CHRAC1: variants seen among roughly 807,000 people sequenced by gnomAD.
CHRAC1 encodes chromatin accessibility complex protein 1.
In CHRAC1, 6 loss-of-function variants were observed where a neutral mutation model predicts 9.1. The ratio of observed to expected loss-of-function variants is 0.66; its 90% CI spans 0.36 to 1.29. The LOEUF is 1.29. CHRAC1 is among the 50% of genes most tolerant of loss of function. CHRAC1 has a pLI of 0.03. For synonymous variants in CHRAC1, 73 were observed against 64.5 expected (o/e 1.13, Z -0.63); for missense variants, 168 against 163.5 (o/e 1.03, Z -0.15).
intron 1 of CHRAC1, among the ~76,000 whole-genome samples, chr8:140,512,337 C>G (rs1481829395): frequency 6.6e-6 from 1 of 152,138 alleles, no homozygotes. Flanking sequence ...TCCAGCGGTC[C>G]GAGGCTTTCG....
intron 1 of CHRAC1, chr8:140,512,019 C>T (rs966839808): frequency 7.8e-7 from 1 of 1,288,562 alleles, no homozygotes; most frequent in African/African-American, 1.5e-5. Context: ...TTCCATTCGG[C>T]AAACCCGTAA....
intron 2 of CHRAC1, 100 bp from the exon 3 acceptor site, chr8:140,515,025 CT>C: frequency 8.5e-7 from 1 of 1,170,716 alleles, no homozygotes; most frequent in East Asian, 2.4e-5. Flanking sequence ...TTTGGAACCT[CT>C]TATAGAGGTC....
At position 140,513,913 on chromosome 8, in the gene CHRAC1, CTTTTTTT is replaced by C. The variant is rs57880666; in HGVS notation, c.148-437_148-431del. Reference sequence around the variant, plus strand: ...ATGTTTTTCTTTTCCCCAGTGATTTCTTTTTTTTTTTTTTTTTTTTTTTTTGAGACGG... The same window carrying C: ...ATGTTTTTCTTTTCCCCAGTGATTTCTTTTTTTTTTTTTTTTTTGAGACGG... On this transcript the variant is annotated intron_variant, in intron 1 of 2. Coordinates refer to ENST00000220913, the MANE Select transcript of CHRAC1 (RefSeq NM_017444.6). Among the ~76,000 whole-genome samples the C allele has an allele frequency of 1.8e-4, 16 of 87,478 alleles. No individual in the cohort carries two copies. The East Asian group carries it at 2.0e-3, about 11-fold the overall frequency. 57.4% of individuals were successfully genotyped at this position (87,478 alleles called of 152,430 possible).
At chr8:140,511,853 AC>A in intron 1 of CHRAC1, 1 of 532,374 alleles carries the variant, frequency 1.9e-6, no homozygotes, top group Non-Finnish European at 3.1e-6. Flanking sequence ...CGCCCCGCCC[AC>A]CCCTCGCCGC....
chr8:140,512,663 G>A (rs995148034), intron 1 of CHRAC1, among the ~76,000 whole-genome samples: 1 of 152,200 alleles, frequency 6.6e-6, no homozygotes, highest in Admixed American at 6.5e-5. Context: ...ACTAAGGGAA[G>A]TGGGAAATTA....
At position 140,514,432 on chromosome 8, in the gene CHRAC1, G is replaced by C. The variant is rs773255460; in HGVS notation, c.211G>C (p.Val71Leu). The change falls in exon 2 of 3, where the codon GTA becomes CTA. Residue 71 changes from valine (V) to leucine (L), a missense_variant. Transcript: ENST00000220913. ...YRHGSGKEKK[V>L]LTYSDLANTA... is the part of the protein sequence containing the mutation. ...ACACGGCAGTGGAAAGGAAAAGAAA[G>C]TACTGACTTACAGTGATTTAGCAAA... 9 of 1,586,454 alleles carry C rather than the reference G, an allele frequency of 5.7e-6. No individual in the cohort carries two copies. Among genetic ancestry groups the C allele is most frequent in the Non-Finnish European group, 7.7e-6 (9 of 1,172,250 alleles).
chr8:140,515,182 A>G lies in CHRAC1; in HGVS notation c.331A>G (p.Lys111Glu). Residue 111 changes from lysine to glutamate, a missense_variant, in exon 3 of 3, where the codon AAG (lysine) becomes GAG (glutamate). Transcript: ENST00000220913. ...SKYLKMLKEE[K>E]REEDEENDND... ...ATACCTGAAAATGCTTAAAGAGGAA[A>G]AGAGGGAAGAAGATGAGGAGAATGA... 2 of 1,613,508 alleles carry G rather than the reference A, an allele frequency of 1.2e-6. No homozygotes were observed. The highest frequency in any genetic ancestry group is 2.2e-5 in the East Asian group (1 of 44,892).
At position 140,514,485 on chromosome 8, in the gene CHRAC1, G is replaced by A. The variant is rs756261903; in HGVS notation, c.264G>A (p.Gln88=). ...CTGCACAGCAATCAGAAACTTTTCAGTTTCTTGCAGGTACTTAGTCTTTGA... is the reference window on the plus strand; with the variant it reads ...CTGCACAGCAATCAGAAACTTTTCAATTTCTTGCAGGTACTTAGTCTTTGA... ...ANTAQQSETF[Q]FLADILPKKI... The change falls in exon 2 of 3, where the codon CAG becomes CAA. Residue 88 remains glutamine, a synonymous_variant. Coordinates refer to ENST00000220913, the MANE Select transcript of CHRAC1 (RefSeq NM_017444.6). 2 of 1,556,368 alleles carry A rather than the reference G, an allele frequency of 1.3e-6. No homozygotes were observed.
chr8:140,512,193 C>G (rs1020958723), intron 1 of CHRAC1, among the ~76,000 whole-genome samples: 3 of 152,206 alleles, frequency 2.0e-5, no homozygotes, highest in Non-Finnish European at 4.4e-5. Flanking sequence ...ACTCCCTACT[C>G]CCGGCCTGCC....
At position 140,511,367 on chromosome 8, in the gene CHRAC1, G is replaced by A. The variant is rs1035001525; in HGVS notation, c.-133G>A. ...CCGGACGGGCCGCTCCCGGCCTCGC[G>A]GCCTCGCCTCCCCACACTACAACTC... On this transcript the variant is annotated 5_prime_UTR_variant, in exon 1 of 3. Transcript: ENST00000220913. 5 of 782,464 alleles carry A rather than the reference G, an allele frequency of 6.4e-6. No homozygotes were observed. The highest frequency in any genetic ancestry group is 8.7e-6 in the Non-Finnish European group (5 of 572,546). 48.5% of individuals were successfully genotyped at this position (782,464 alleles called of 1,614,324 possible).
chr8:140,512,808 A>G (rs942740984), intron 1 of CHRAC1, among the ~76,000 whole-genome samples: 1 of 152,188 alleles, frequency 6.6e-6, no homozygotes, highest in African/African-American at 2.4e-5. Flanking sequence ...AGGAATGAGG[A>G]TTTATGCAGG....
At chr8:140,511,806 C>A in intron 1 of CHRAC1, 160 bp downstream of exon 1, 1 of 786,284 alleles carries the variant, frequency 1.3e-6, no homozygotes, top group Non-Finnish European at 1.9e-6. Flanking sequence ...GCGCGCGCTT[C>A]GGTGCCCGCG....
Position 140,511,495 on chromosome 8 carries a change from G to A in CHRAC1, c.-5G>A. 2 of 1,324,212 alleles carry A rather than the reference G, an allele frequency of 1.5e-6. No individual in the cohort carries two copies. The highest frequency in any genetic ancestry group is 2.0e-6 in the Non-Finnish European group (2 of 1,025,382). 82.0% of individuals were successfully genotyped at this position (1,324,212 alleles called of 1,614,324 possible). A position where few individuals can be genotyped will look rare whatever the true frequency, so the allele number is the denominator to read the frequency against. On this transcript the variant is annotated 5_prime_UTR_variant, in exon 1 of 3. Coordinates refer to ENST00000220913, the MANE Select transcript of CHRAC1 (RefSeq NM_017444.6). ...GCTGCGGGCACCCGCGCGACGGGCG[G>A]GAAGATGGCGGACGTGGTCGTGGGT...
intron 1 of CHRAC1, among the ~76,000 whole-genome samples, chr8:140,512,355 C>T (rs766152792): frequency 4.6e-5 from 7 of 152,258 alleles, no homozygotes; most frequent in African/African-American, 7.2e-5. Flanking sequence ...TCGAGCCCTC[C>T]CGCCCGCCAC....
intron 1 of CHRAC1, among the ~76,000 whole-genome samples, chr8:140,513,890 G>GT (rs11453558): frequency 0.026 from 3,199 of 121,078 alleles, 154 homozygotes; most frequent in African/African-American, 0.092. Context: ...CTGACCTCAT[G>GT]TTTTTCTTTT....
intron 1 of CHRAC1, chr8:140,514,154 C>G (rs1232227237): frequency 2.6e-6 from 1 of 387,228 alleles, no homozygotes; most frequent in African/African-American, 2.2e-5. Context: ...GAGCCGCCTG[C>G]CTCAGCCTCC....
In CHRAC1 at chr8:140,511,899, C is replaced by T. The variant is rs1426548272; in HGVS notation, c.147+253C>T. 1.6e-5 allele frequency: 15 copies of T among 958,604 alleles called. No individual in the cohort carries two copies. In the East Asian group the frequency reaches 5.6e-4, roughly 36 times the overall value. 59.4% of individuals were successfully genotyped at this position (958,604 alleles called of 1,614,324 possible). A position where few individuals can be genotyped will look rare whatever the true frequency, so the allele number is the denominator to read the frequency against. On this transcript the variant is annotated intron_variant, in intron 1 of 2. Transcript: ENST00000220913. ...TTCTCCAGTTTCTTCGCCTCGCCTA[C>T]CGCGCGCCTCTCCCGCCCTTTGTCG... is the stretch of plus-strand genomic sequence containing the variant.
rs930076215 is a variant in CHRAC1 at position 140,516,335 on chromosome 8, G to C, written c.*1088G>C. 2.6e-5 allele frequency: 4 copies of C among 151,836 alleles called. No individual in the cohort carries two copies. Among genetic ancestry groups the C allele is most frequent in the Non-Finnish European group, 4.4e-5 (3 of 67,986 alleles). The allele number at this position is 151,836 out of a possible 1,614,324, so 9.4% of individuals were successfully genotyped here. ...ACCTATTTTTGTATTTTTTAGTAGA[G>C]ACGGGGTTCACCATGTTGGCCAGGC... On this transcript the variant is annotated 3_prime_UTR_variant, in exon 3 of 3. Coordinates refer to ENST00000220913, the MANE Select transcript of CHRAC1 (RefSeq NM_017444.6).
rs1276942941 is a variant in CHRAC1 at position 140,515,955 on chromosome 8, A to G, written c.*708A>G. 6.6e-6 allele frequency: 1 copy of G among 152,152 alleles called. No homozygotes were observed. Among genetic ancestry groups the G allele is most frequent in the Non-Finnish European group, 1.5e-5 (1 of 68,032 alleles). 9.4% of individuals were successfully genotyped at this position (152,152 alleles called of 1,614,324 possible). On this transcript the variant is annotated 3_prime_UTR_variant, in exon 3 of 3. Transcript: ENST00000220913. ...CAAATCAAATACAAAAATAAGTCTT[A>G]CCTCTTGTATAAGCATGTTGTACTA...
Sources: gnomAD v4.1 joint callset for allele counts (sites outside exome capture counted in the v4.1 genomes callset) on GRCh38, gnomAD v4.1.1 for gene constraint, MANE v1.5 for transcripts, NCBI Gene and HGNC (gene_info 2026-07-23, HGNC 2026-07-21) for gene names.